The following BRF1 variants were observed in gnomAD, a reference collection of about 807,000 sequenced individuals.
BRF1 encodes the protein transcription factor IIIB 90 kDa subunit.
BRF1 carries 59 observed loss-of-function variants against 81.7 expected under a neutral mutation model. The observed-to-expected ratio is 0.72, with a 90% CI of 0.59 to 0.90. The LOEUF is 0.90. Ranked by LOEUF, BRF1 falls within the 40% of genes least tolerant of loss-of-function variation. The pLI is 0.00. For synonymous variants in BRF1, 491 were observed against 395.6 expected (o/e 1.24, Z -2.86); for missense variants, 1,050 against 936.3 (o/e 1.12, Z -1.58).
At chr14:105,241,143 G>A in intron 6 of BRF1, 122 bp downstream of exon 6, 1 of 1,471,906 alleles carries the variant, frequency 6.8e-7, no homozygotes, top group Non-Finnish European at 9.1e-7. Context: ...AGCCCCGGGA[G>A]GCTGGAGGCA....
intron 6 of BRF1, among the ~76,000 whole-genome samples, chr14:105,229,310 G>A (rs201522072): frequency 1.3e-5 from 2 of 151,526 alleles, no homozygotes; most frequent in East Asian, 3.9e-4. Flanking sequence ...GCTGACACAG[G>A]TTCACCAAGG....
intron 1 of BRF1, among the ~76,000 whole-genome samples, chr14:105,293,327 C>G (rs1473054041): frequency 2.6e-5 from 4 of 152,156 alleles, no homozygotes; most frequent in Non-Finnish European, 5.9e-5. Flanking sequence ...CATCGTGACC[C>G]CAAACGGAAA....
chr14:105,302,610 G>A (rs1403750372), upstream of BRF1, among the ~76,000 whole-genome samples: 95 of 151,912 alleles, frequency 6.3e-4, 2 homozygotes, highest in Admixed American at 6.2e-3. Context: ...AATTGAGATA[G>A]TGTCTCATTC....
intron 3 of BRF1, among the ~76,000 whole-genome samples, chr14:105,259,205 A>G (rs867695140): frequency 3.0e-4 from 46 of 152,318 alleles, no homozygotes; most frequent in Middle Eastern, 6.8e-3. Context: ...GCACTTTAGG[A>G]GGCTGAGGCC....
intron 1 of BRF1, among the ~76,000 whole-genome samples, chr14:105,298,377 C>T (rs1019787785): frequency 3.3e-5 from 5 of 152,182 alleles, no homozygotes; most frequent in East Asian, 1.9e-4. Flanking sequence ...CAAAGGAAAA[C>T]GGCACCTGAT....
intron 2 of BRF1, among the ~76,000 whole-genome samples, chr14:105,273,644 G>T (rs2056755227): frequency 6.6e-6 from 1 of 152,160 alleles, no homozygotes; most frequent in African/African-American, 2.4e-5. Context: ...GTGCTGTATG[G>T]AATCAAGGTT....
intron 1 of BRF1, among the ~76,000 whole-genome samples, chr14:105,310,597 C>A (rs2058327383): frequency 6.7e-6 from 1 of 148,156 alleles, no homozygotes; most frequent in Admixed American, 6.7e-5. Flanking sequence ...TTACAAAGAT[C>A]ATCCTCAATA....
chr14:105,306,685 A>G (rs2058198238), intron 1 of BRF1, among the ~76,000 whole-genome samples: 1 of 151,380 alleles, frequency 6.6e-6, no homozygotes, highest in Non-Finnish European at 1.5e-5. Flanking sequence ...GATGTACCGC[A>G]ATCTCTACCT....
intron 14 of BRF1, 83 bp from the exon 15 acceptor site, chr14:105,217,883 T>C (rs907971561): frequency 6.4e-7 from 1 of 1,557,686 alleles, no homozygotes; most frequent in African/African-American, 1.4e-5. Flanking sequence ...AGGCCAGGAG[T>C]GCAGGCGGGT....
rs1326991015 is a variant in BRF1, at chr14:105,249,943, C to G, written c.544+2564G>C. The G allele has an allele frequency of 2.5e-6, 4 of 1,611,862 alleles. No homozygotes were observed. The South Asian group carries it at 4.4e-5, about 18-fold the overall frequency. ...TTGTCACTCGGGAGGCCCTCAACACCAAAGAGGCGGTGGTCTTCGAGGCCG... is the reference window on the plus strand; with the variant it reads ...TTGTCACTCGGGAGGCCCTCAACACGAAAGAGGCGGTGGTCTTCGAGGCCG... On this transcript the variant is annotated intron_variant, in intron 5 of 17. Coordinates refer to ENST00000547530, the MANE Select transcript of BRF1 (RefSeq NM_001519.4).
intron 1 of BRF1, among the ~76,000 whole-genome samples, chr14:105,295,075 C>A (rs1461234618): frequency 6.6e-6 from 1 of 152,032 alleles, no homozygotes; most frequent in African/African-American, 2.4e-5. Flanking sequence ...GTTTCCCAAC[C>A]CATTCCATAA....
At chr14:105,252,405 C>A in intron 5 of BRF1, 102 bp downstream of exon 5, 2 of 1,489,592 alleles carry the variant, frequency 1.3e-6, no homozygotes, top group Admixed American at 2.5e-5. Flanking sequence ...TTGAGGGGTC[C>A]CATGCTTGGA....
At chr14:105,283,502 G>C (rs1257016379) in intron 2 of BRF1, among the ~76,000 whole-genome samples, 2 of 152,304 alleles carry the variant, frequency 1.3e-5, no homozygotes, top group East Asian at 3.9e-4. Context: ...GGGGTCCACG[G>C]GGCCTCCTGG....
chr14:105,215,208 TAA>T (rs1226854395), intron 15 of BRF1, among the ~76,000 whole-genome samples: 1 of 150,448 alleles, frequency 6.6e-6, no homozygotes, highest in Non-Finnish European at 1.5e-5. Flanking sequence ...TTGAGAGACT[TAA>T]GACACACACA....
In BRF1 at chr14:105,284,601, C is replaced by T. The variant is rs2057244848; in HGVS notation, c.265+1695G>A. Among the ~76,000 whole-genome samples, 1 of 152,170 alleles carries T rather than the reference C, an allele frequency of 6.6e-6. No homozygotes were observed. The highest frequency in any genetic ancestry group is 1.5e-5 in the Non-Finnish European group (1 of 68,030). ...CATGGCTGCACCGATCACAAGAATC[C>T]CTCACGTGGTCCTCAGGTTCCTGAG... On this transcript the variant is annotated intron_variant, in intron 2 of 17. Coordinates refer to ENST00000547530, the MANE Select transcript of BRF1 (RefSeq NM_001519.4). The surrounding 1 kb of genome is among the most constrained non-coding windows in gnomAD (Gnocchi z 4.0).
At chr14:105,261,649 C>T (rs774083319) in intron 3 of BRF1, among the ~76,000 whole-genome samples, 1 of 152,372 alleles carries the variant, frequency 6.6e-6, no homozygotes, top group South Asian at 2.1e-4. Flanking sequence ...GCCTCACATA[C>T]AAATGCTCTT....
At chr14:105,256,491 G>T (rs1043142140) in intron 4 of BRF1, 27 bp downstream of exon 4, 1 of 1,614,162 alleles carries the variant, frequency 6.2e-7, no homozygotes, top group East Asian at 2.2e-5. Context: ...CCCAGGTGGG[G>T]AAAGATGCAG....
At chr14:105,279,611 A>T (rs1035314879) in intron 2 of BRF1, among the ~76,000 whole-genome samples, 2 of 152,182 alleles carry the variant, frequency 1.3e-5, no homozygotes, top group African/African-American at 4.8e-5. Flanking sequence ...CCTGGTGGGA[A>T]CATGAACTGG....
chr14:105,248,579 GGGCGGGCGGGAC>G (rs2055314398), intron 5 of BRF1: 1 of 918,070 alleles, frequency 1.1e-6, no homozygotes, highest in African/African-American at 1.8e-5. Context: ...TCGGGCGGGC[GGGCGGGCGGGAC>G]GGCGCCCCCC....
Sources: allele counts gnomAD v4.1 joint callset (sites outside exome capture counted in the v4.1 genomes callset), GRCh38; gene constraint gnomAD v4.1.1; non-coding constraint Gnocchi (gnomAD v3.1); transcripts MANE v1.5; gene names NCBI Gene and HGNC (gene_info 2026-07-23, HGNC 2026-07-21).